Variants in AKAP19 observed in about 807,000 individuals in gnomAD.
The protein encoded by AKAP19 is A-kinase anchoring protein 19.
At chr2:189,986,340 C>A in the AKAP19 span, among the ~76,000 whole-genome samples, 3 of 146,318 alleles carry the variant, frequency 2.1e-5, no homozygotes, top group East Asian at 2.0e-4. Context: ...TTTGACTATA[C>A]AAATGCAGCC....
the AKAP19 span, among the ~76,000 whole-genome samples, chr2:189,899,781 A>G: frequency 9.5e-6 from 1 of 105,482 alleles, no homozygotes; most frequent in Non-Finnish European, 2.0e-5. Flanking sequence ...TTCTGTTATT[A>G]TAAAAGTATT....
the AKAP19 span, among the ~76,000 whole-genome samples, chr2:189,931,213 T>A: frequency 6.6e-6 from 1 of 152,126 alleles, no homozygotes; most frequent in Non-Finnish European, 1.5e-5. Context: ...TGGTTTTTTT[T>A]CTTTTTAAAT....
the AKAP19 span, among the ~76,000 whole-genome samples, chr2:189,984,495 G>T: frequency 6.6e-6 from 1 of 152,014 alleles, no homozygotes. Context: ...TTTTTTCAAG[G>T]TGCTCAGATT....
At chr2:190,059,830 A>G in the AKAP19 span, among the ~76,000 whole-genome samples, 11 of 151,952 alleles carry the variant, frequency 7.2e-5, no homozygotes, top group Non-Finnish European at 5.9e-5. Flanking sequence ...GTTAAGAAGT[A>G]TGGTATAATT....
At chr2:189,977,584 T>C in the AKAP19 span, among the ~76,000 whole-genome samples, 23 of 152,328 alleles carry the variant, frequency 1.5e-4, no homozygotes, top group African/African-American at 5.3e-4. Flanking sequence ...AGATAAGCAG[T>C]TGACCACTCA....
chr2:189,925,952 A>T, the AKAP19 span, among the ~76,000 whole-genome samples: 1 of 152,358 alleles, frequency 6.6e-6, no homozygotes, highest in South Asian at 2.1e-4. Flanking sequence ...TGAAAAGTAC[A>T]TTTATAGATC....
the AKAP19 span, among the ~76,000 whole-genome samples, chr2:190,002,220 G>C: frequency 9.2e-5 from 14 of 152,304 alleles, no homozygotes; most frequent in African/African-American, 2.6e-4. Flanking sequence ...AATTTCCAGA[G>C]TACTGAAATG....
At chr2:189,938,106 C>A in the AKAP19 span, among the ~76,000 whole-genome samples, 1 of 151,986 alleles carries the variant, frequency 6.6e-6, no homozygotes, top group Non-Finnish European at 1.5e-5. Flanking sequence ...GAGGCTGAGG[C>A]GTGTGGATTG....
chr2:189,919,442 A>C, the AKAP19 span, among the ~76,000 whole-genome samples: 5 of 151,844 alleles, frequency 3.3e-5, no homozygotes, highest in African/African-American at 7.3e-5. Flanking sequence ...AAAAAAAAAA[A>C]CAGGATACAT....
chr2:190,043,056 G>A, the AKAP19 span, among the ~76,000 whole-genome samples: 1 of 152,152 alleles, frequency 6.6e-6, no homozygotes, highest in African/African-American at 2.4e-5. Context: ...TCAGCTGAGA[G>A]GTCAGCTGTT....
chr2:189,998,771 C>CTTTCTTT, the AKAP19 span, among the ~76,000 whole-genome samples: 13 of 97,546 alleles, frequency 1.3e-4, no homozygotes, highest in African/African-American at 4.7e-4. Flanking sequence ...TTCTTTCTTT[C>CTTTCTTT]TTTTTTTTTT....
chr2:189,953,817 G>C, the AKAP19 span, among the ~76,000 whole-genome samples: 2 of 152,108 alleles, frequency 1.3e-5, no homozygotes, highest in Non-Finnish European at 2.9e-5. Flanking sequence ...ACAGCTGGTA[G>C]AACCAAGATA....
chr2:189,904,381 C>G, the AKAP19 span, among the ~76,000 whole-genome samples: 1 of 152,030 alleles, frequency 6.6e-6, no homozygotes, highest in Non-Finnish European at 1.5e-5. Context: ...GTTTTCCCAC[C>G]ATGCCAGCAT....
At chr2:190,178,660 TGTGTAG>T in the AKAP19 span, among the ~76,000 whole-genome samples, 1 of 152,310 alleles carries the variant, frequency 6.6e-6, no homozygotes, top group African/African-American at 2.4e-5. The surrounding 1 kb of genome is among the most constrained non-coding windows in gnomAD (Gnocchi z 6.3). Context: ...CTTGGCTCGG[TGTGTAG>T]GCCTCGCTCC....
the AKAP19 span, among the ~76,000 whole-genome samples, chr2:189,956,852 G>T: frequency 2.6e-5 from 4 of 152,162 alleles, no homozygotes; most frequent in Non-Finnish European, 5.9e-5. Context: ...CAAAGTGCTG[G>T]GATCACAAGT....
the AKAP19 span, among the ~76,000 whole-genome samples, chr2:189,982,022 A>G: frequency 0.24 from 36,250 of 151,988 alleles, 5,172 homozygotes; most frequent in African/African-American, 0.41. Context: ...GGTGTGCTTT[A>G]AATTTCTTAA....
chr2:190,121,015 C>T, the AKAP19 span, among the ~76,000 whole-genome samples: 6 of 151,084 alleles, frequency 4.0e-5, no homozygotes, highest in Non-Finnish European at 4.4e-5. Context: ...TGGGGGAGTT[C>T]GTGTGATTAT....
chr2:190,174,996 T>TAG, the AKAP19 span, among the ~76,000 whole-genome samples: 2 of 131,142 alleles, frequency 1.5e-5, no homozygotes, highest in Admixed American at 7.5e-5. Context: ...ATAAGATACA[T>TAG]AGATTACATG....
At chr2:190,133,219 C>T in the AKAP19 span, among the ~76,000 whole-genome samples, 3 of 105,802 alleles carry the variant, frequency 2.8e-5, no homozygotes, top group African/African-American at 1.1e-4. Context: ...GCCTGGGAGA[C>T]AGAGCGAGAC....
Sources: allele counts gnomAD v4.1 joint callset (sites outside exome capture counted in the v4.1 genomes callset), GRCh38; gene constraint gnomAD v4.1.1; non-coding constraint Gnocchi (gnomAD v3.1); transcripts MANE v1.5; gene names NCBI Gene and HGNC (gene_info 2026-07-23, HGNC 2026-07-21).